The following PLAC1 variants were observed in gnomAD, a reference collection of about 807,000 sequenced individuals.
PLAC1 encodes placenta associated 1.
For synonymous variants in PLAC1, 68 were observed against 62.1 expected (o/e 1.09, Z -0.44); for missense variants, 136 against 163.2 (o/e 0.83, Z 0.91).
chrX:134,732,988 C>T (rs952389955), intron 2 of PLAC1, among the ~76,000 whole-genome samples: 45 of 111,412 alleles, frequency 4.0e-4, no homozygotes, highest in African/African-American at 1.4e-3. Context: ...AATAGACACC[C>T]ACTGCTGTTT....
intron 2 of PLAC1, among the ~76,000 whole-genome samples, chrX:134,590,100 C>A (rs977883923): frequency 1.8e-5 from 2 of 110,186 alleles, no homozygotes; most frequent in African/African-American, 6.6e-5. Context: ...GAGGCTGAGG[C>A]AGGAGAATTG....
At chrX:134,636,810 C>T (rs56700407) in intron 1 of PLAC1, among the ~76,000 whole-genome samples, 13,617 of 111,593 alleles carry the variant, frequency 0.12, 2,043 homozygotes, top group African/African-American at 0.42. Context: ...TTGGGAGAAA[C>T]CTGGCCTTGC....
chrX:134,752,240 CTTTG>C (rs1315228495), intron 1 of PLAC1, among the ~76,000 whole-genome samples: 2 of 103,160 alleles, frequency 1.9e-5, no homozygotes, highest in Non-Finnish European at 3.8e-5. Flanking sequence ...TTCATTTCTT[CTTTG>C]TTTGTTTTTT....
intron 1 of PLAC1, among the ~76,000 whole-genome samples, chrX:134,758,383 A>G (rs900158542): frequency 8.9e-6 from 1 of 112,072 alleles, no homozygotes; most frequent in African/African-American, 3.2e-5. Flanking sequence ...GCATCACATT[A>G]CCTGACTTCA....
chrX:134,722,522 G>A (rs754290894), intron 2 of PLAC1, among the ~76,000 whole-genome samples: 4 of 111,777 alleles, frequency 3.6e-5, no homozygotes, highest in South Asian at 3.7e-4. Flanking sequence ...GAGTTGGGGC[G>A]AGGAGGAAAT....
chrX:134,730,328 T>C (rs1015327747), intron 2 of PLAC1, among the ~76,000 whole-genome samples: 1 of 112,117 alleles, frequency 8.9e-6, no homozygotes, highest in African/African-American at 3.2e-5. Flanking sequence ...AAGGAAAGTG[T>C]TTTATGTGAG....
chrX:134,736,118 A>C (rs199871710), intron 1 of PLAC1, among the ~76,000 whole-genome samples: 1 of 110,458 alleles, frequency 9.1e-6, no homozygotes, highest in African/African-American at 3.3e-5. Flanking sequence ...TCTACTAAAA[A>C]TACAAAAATT....
At chrX:134,733,910 C>T (rs1286142413) in intron 1 of PLAC1, among the ~76,000 whole-genome samples, 1 of 111,576 alleles carries the variant, frequency 9.0e-6, no homozygotes, top group African/African-American at 3.3e-5. Context: ...GTTTGCAGAC[C>T]GATGTGATTT....
rs760500816 is a variant in PLAC1, at chrX:134,602,561, C to T, written c.-130-439G>A. ...ACCAATAGAATAACTAAAAATAATG[C>T]TATCAAACTGGAAACAACTGAAATG... On this transcript the variant is annotated intron_variant, in intron 1 of 2. Coordinates refer to ENST00000359237, the MANE Select transcript of PLAC1 (RefSeq NM_021796.4). 2.7e-5 allele frequency among the ~76,000 whole-genome samples: 3 copies of T among 112,135 alleles called. No homozygotes were observed. In the East Asian group the frequency reaches 8.4e-4, roughly 31 times the overall value.
At chrX:134,614,787 A>G (rs2078171869) in intron 1 of PLAC1, among the ~76,000 whole-genome samples, 1 of 111,218 alleles carries the variant, frequency 9.0e-6, no homozygotes, top group Non-Finnish European at 1.9e-5. Context: ...GATGTGCATT[A>G]TCATGCCCAG....
chrX:134,646,322 T>C (rs755603473), intron 1 of PLAC1, among the ~76,000 whole-genome samples: 1 of 112,355 alleles, frequency 8.9e-6, no homozygotes, highest in African/African-American at 3.2e-5. Context: ...TCCAACTACA[T>C]GGGAGTTTGT....
At chrX:134,617,051 C>T (rs960220849) in intron 1 of PLAC1, among the ~76,000 whole-genome samples, 2 of 109,412 alleles carry the variant, frequency 1.8e-5, no homozygotes, top group African/African-American at 3.3e-5. Context: ...TGCACTGGCA[C>T]GTTCTTGGCT....
At chrX:134,620,447 C>T (rs2078205285) in intron 1 of PLAC1, among the ~76,000 whole-genome samples, 1 of 112,532 alleles carries the variant, frequency 8.9e-6, no homozygotes, top group Non-Finnish European at 1.9e-5. Flanking sequence ...AGCCCACTTC[C>T]AGTGTTTAAG....
chrX:134,700,506 T>C (rs1192312665), intron 2 of PLAC1, among the ~76,000 whole-genome samples: 1 of 111,647 alleles, frequency 9.0e-6, no homozygotes, highest in Non-Finnish European at 1.9e-5. Flanking sequence ...AAACTATCTC[T>C]CTTCACTGAC....
At chrX:134,721,224 G>A (rs945087169) in intron 2 of PLAC1, among the ~76,000 whole-genome samples, 11 of 112,251 alleles carry the variant, frequency 9.8e-5, no homozygotes, top group African/African-American at 3.6e-4. Flanking sequence ...TTAAGGAAAG[G>A]CATATCAAAA....
chrX:134,675,612 C>T (rs1182683797), intron 2 of PLAC1, among the ~76,000 whole-genome samples: 1 of 110,042 alleles, frequency 9.1e-6, no homozygotes, highest in African/African-American at 3.3e-5. Context: ...TTGTGGTGAG[C>T]CAAGTTTGTG....
intron 2 of PLAC1, among the ~76,000 whole-genome samples, chrX:134,720,951 C>A (rs2078655666): frequency 8.9e-6 from 1 of 112,881 alleles, no homozygotes; most frequent in South Asian, 3.6e-4. Context: ...GGCCACTGTG[C>A]CTTCCTAGCA....
chrX:134,619,890 G>A (rs2078203044), intron 1 of PLAC1, among the ~76,000 whole-genome samples: 1 of 111,772 alleles, frequency 8.9e-6, no homozygotes, highest in Admixed American at 9.5e-5. Flanking sequence ...TGGCACAGAC[G>A]ACCATCATAA....
chrX:134,573,882 G>A (rs2077922726), intron 2 of PLAC1, among the ~76,000 whole-genome samples: 1 of 111,326 alleles, frequency 9.0e-6, no homozygotes, highest in African/African-American at 3.3e-5. Context: ...CCTGACTGAG[G>A]CCATTCACCA....
Sources: allele counts gnomAD v4.1 joint callset (sites outside exome capture counted in the v4.1 genomes callset), GRCh38; gene constraint gnomAD v4.1.1; transcripts MANE v1.5; gene names NCBI Gene and HGNC (gene_info 2026-07-23, HGNC 2026-07-21).